Variants in RNF13 observed in about 807,000 individuals in gnomAD.
The protein encoded by RNF13 is ring finger protein 13, also known as E3 ubiquitin-protein ligase RNF13.
In RNF13, 19 loss-of-function variants were observed where a neutral mutation model predicts 37.7. That is an observed-to-expected ratio of 0.50 (90% CI 0.35 to 0.74). RNF13 has a LOEUF of 0.74. Among genes scored for constraint, RNF13 ranks in the 30% least tolerant of loss-of-function variants. RNF13 has a pLI of 0.01. For missense variants in RNF13, 375 were observed against 453.0 expected (o/e 0.83, Z 1.56); for synonymous variants, 144 against 157.8 (o/e 0.91, Z 0.65).
intron 5 of RNF13, among the ~76,000 whole-genome samples, chr3:149,897,540 G>A (rs1311061864): frequency 6.6e-6 from 1 of 152,120 alleles, no homozygotes; most frequent in African/African-American, 2.4e-5. Flanking sequence ...CTGTTGCCAT[G>A]GAAATGTTTC....
chr3:149,924,112 T>C (rs1163259299), intron 8 of RNF13, among the ~76,000 whole-genome samples: 2 of 152,114 alleles, frequency 1.3e-5, no homozygotes, highest in East Asian at 3.9e-4. Flanking sequence ...ACTGATGGAC[T>C]AGATATTGGA....
intron 4 of RNF13, among the ~76,000 whole-genome samples, chr3:149,891,422 C>T (rs574747634): frequency 2.8e-3 from 426 of 152,234 alleles, no homozygotes; most frequent in Non-Finnish European, 4.9e-3. Flanking sequence ...GTGTTGTTCC[C>T]AGGGTTCCTT....
Position 149,960,079 on chromosome 3 carries a change from A to G in RNF13, c.724A>G (p.Ile242Val). The change falls in exon 9 of 10, where the codon ATT becomes GTT. Residue 242 changes from isoleucine (I) to valine (V), a missense_variant. Physicochemically the swap from Ile to Val is conservative, Grantham distance 29 (BLOSUM62 3). Transcript: ENST00000392894. ...KKGDEYDVCA[I>V]CLDEYEDGDK... ...AGGAGATGAGTATGATGTATGTGCC[A>G]TTTGTTTGGATGAGTATGAAGATGG... The G allele has an allele frequency of 1.2e-6, 2 of 1,612,456 alleles. No homozygotes were observed. Among genetic ancestry groups the G allele is most frequent in the Non-Finnish European group, 1.7e-6 (2 of 1,178,588 alleles).
intron 8 of RNF13, among the ~76,000 whole-genome samples, chr3:149,941,321 C>T (rs1205655699): frequency 2.0e-5 from 3 of 152,092 alleles, no homozygotes; most frequent in African/African-American, 7.2e-5. Flanking sequence ...TTCCCATCAC[C>T]AGTGCACAAG....
At chr3:149,949,029 A>G (rs1412353942) in intron 8 of RNF13, among the ~76,000 whole-genome samples, 1 of 145,334 alleles carries the variant, frequency 6.9e-6, no homozygotes, top group East Asian at 2.0e-4. Flanking sequence ...CCCTGTCTAG[A>G]AAAAAAAAAA....
intron 6 of RNF13, among the ~76,000 whole-genome samples, chr3:149,905,147 A>C (rs1257017349): frequency 6.6e-6 from 1 of 152,172 alleles, no homozygotes; most frequent in Non-Finnish European, 1.5e-5. Context: ...TCAGAGTTTT[A>C]ATGTATATGT....
intron 4 of RNF13, among the ~76,000 whole-genome samples, chr3:149,894,546 GT>G (rs1715045251): frequency 1.3e-5 from 2 of 152,066 alleles, no homozygotes; most frequent in South Asian, 2.1e-4. Flanking sequence ...TAATATGCCT[GT>G]TTCTTAAAAA....
At chr3:149,843,339 T>C (rs1722348929) in intron 1 of RNF13, among the ~76,000 whole-genome samples, 1 of 152,154 alleles carries the variant, frequency 6.6e-6, no homozygotes, top group Admixed American at 6.5e-5. Flanking sequence ...AAGGGACAAC[T>C]CTATACATTG....
chr3:149,959,446 T>C (rs1722173206), intron 8 of RNF13, among the ~76,000 whole-genome samples: 1 of 152,218 alleles, frequency 6.6e-6, no homozygotes, highest in African/African-American at 2.4e-5. Context: ...GTAAGACAAT[T>C]AAAGTGGCAA....
At chr3:149,832,412 G>A (rs1409531603) in intron 1 of RNF13, among the ~76,000 whole-genome samples, 1 of 152,182 alleles carries the variant, frequency 6.6e-6, no homozygotes, top group African/African-American at 2.4e-5. Flanking sequence ...AAAATTCATT[G>A]TCACAGATTT....
chr3:149,846,608 T>A (rs1388479076), intron 2 of RNF13, among the ~76,000 whole-genome samples: 2 of 152,192 alleles, frequency 1.3e-5, no homozygotes, highest in African/African-American at 4.8e-5. Flanking sequence ...GCCCAGCCCC[T>A]TATTCATTTT....
At chr3:149,934,712 G>A (rs1187483364) in intron 8 of RNF13, among the ~76,000 whole-genome samples, 1 of 151,210 alleles carries the variant, frequency 6.6e-6, no homozygotes, top group Non-Finnish European at 1.5e-5. Context: ...CTGGAGTGCA[G>A]TTGCACAATC....
intron 8 of RNF13, among the ~76,000 whole-genome samples, chr3:149,933,668 C>G (rs1012699242): frequency 2.0e-5 from 3 of 150,012 alleles, no homozygotes; most frequent in South Asian, 4.2e-4. Context: ...ACTGTAACCT[C>G]TGCCTGCCAG....
intron 3 of RNF13, among the ~76,000 whole-genome samples, chr3:149,869,523 A>G (rs931768371): frequency 5.3e-5 from 8 of 151,258 alleles, no homozygotes; most frequent in Middle Eastern, 3.4e-3. Flanking sequence ...GGAGAATGGC[A>G]TGAACCCGGG....
intron 5 of RNF13, among the ~76,000 whole-genome samples, chr3:149,900,734 A>G (rs961211907): frequency 6.6e-6 from 1 of 152,216 alleles, no homozygotes; most frequent in Non-Finnish European, 1.5e-5. Context: ...TTTATTGATC[A>G]TGTTGATATA....
At chr3:149,890,278 A>G (rs1334816486) in intron 4 of RNF13, among the ~76,000 whole-genome samples, 2 of 152,214 alleles carry the variant, frequency 1.3e-5, no homozygotes, top group Non-Finnish European at 2.9e-5. Context: ...GTTCCAAAGC[A>G]GTGTTTTAGC....
intron 3 of RNF13, among the ~76,000 whole-genome samples, chr3:149,870,708 G>A (rs1400243813): frequency 1.3e-5 from 2 of 151,852 alleles, no homozygotes; most frequent in Non-Finnish European, 2.9e-5. Context: ...AACAAAAACC[G>A]AGTGCTTTAT....
intron 8 of RNF13, among the ~76,000 whole-genome samples, chr3:149,921,584 G>A (rs980403648): frequency 6.6e-5 from 10 of 152,158 alleles, no homozygotes; most frequent in African/African-American, 2.4e-4. Context: ...ATTTTGCTGA[G>A]AATGATGGTT....
chr3:149,837,540 G>C (rs1721747453), intron 1 of RNF13, among the ~76,000 whole-genome samples: 1 of 152,176 alleles, frequency 6.6e-6, no homozygotes, highest in Non-Finnish European at 1.5e-5. Flanking sequence ...AATCATGGCA[G>C]AGGGTGAAAG....
Sources: allele counts gnomAD v4.1 joint callset (sites outside exome capture counted in the v4.1 genomes callset), GRCh38; gene constraint gnomAD v4.1.1; transcripts MANE v1.5; gene names NCBI Gene and HGNC (gene_info 2026-07-23, HGNC 2026-07-21).